C1GALT1: variants seen among roughly 807,000 people sequenced by gnomAD.
C1GALT1 encodes the protein glycoprotein-N-acetylgalactosamine 3-beta-galactosyltransferase 1.
C1GALT1 carries 11 observed loss-of-function variants against 31.0 expected under a neutral mutation model. The ratio of observed to expected loss-of-function variants is 0.36; its 90% CI spans 0.22 to 0.59. The LOEUF (loss-of-function observed/expected upper bound fraction) is 0.59. C1GALT1 is among the 20% of genes least tolerant of loss of function. The probability of loss-of-function intolerance (pLI) is 0.79; values close to 1 mark genes in which losing one functional copy is unlikely to be tolerated. For synonymous variants in C1GALT1, 175 were observed against 143.6 expected (o/e 1.22, Z -1.56); for missense variants, 424 against 425.2 (o/e 1.00, Z 0.03).
chr7:7,191,893 T>C lies in C1GALT1; in HGVS notation c.-18+9073T>C, dbSNP rs1161466837. ...TAATCTCTTATCAGATAATACGATT[T>C]GCCTGTATTTTCACCCATTCTGTGG... On this transcript the variant is annotated intron_variant, in intron 1 of 3. Transcript: ENST00000436587. Among the ~76,000 whole-genome samples, 8 of 152,208 alleles carry C rather than the reference T, an allele frequency of 5.3e-5. No homozygotes were observed. In the East Asian group the frequency reaches 1.2e-3, roughly 22 times the overall value.
intron 1 of C1GALT1, among the ~76,000 whole-genome samples, chr7:7,222,033 C>A (rs1231351355): frequency 1.3e-5 from 2 of 152,172 alleles, no homozygotes; most frequent in Non-Finnish European, 2.9e-5. Flanking sequence ...TGGTGTCTTA[C>A]CCTTGCTTAG....
At position 7,234,310 on chromosome 7, in the gene C1GALT1, C is replaced by T. The variant is rs1318150382; in HGVS notation, c.-10C>T. 6.2e-7 allele frequency: 1 copy of T among 1,611,490 alleles called. No homozygotes were observed. Among genetic ancestry groups the T allele is most frequent in the Non-Finnish European group, 8.5e-7 (1 of 1,178,216 alleles). ...TAATTTTTGTTCTTACAGAAATACA[C>T]TTTCGGGAAATGGCCTCTAAATCCT... is the stretch of plus-strand genomic sequence containing the variant. On this transcript the variant is annotated 5_prime_UTR_variant, in exon 2 of 4. Transcript: ENST00000436587.
chr7:7,237,224 C>T (rs1287194215), intron 2 of C1GALT1, among the ~76,000 whole-genome samples: 1 of 152,090 alleles, frequency 6.6e-6, no homozygotes, highest in Non-Finnish European at 1.5e-5. Flanking sequence ...GGCCTTTCAC[C>T]ACAGATAGCT....
At chr7:7,224,178 T>G (rs1489689229) in intron 1 of C1GALT1, among the ~76,000 whole-genome samples, 2 of 152,160 alleles carry the variant, frequency 1.3e-5, no homozygotes, top group South Asian at 2.1e-4. Context: ...AATACTTCAT[T>G]AAGTATTAGT....
intron 2 of C1GALT1, among the ~76,000 whole-genome samples, chr7:7,162,179 T>C (rs1270731598): frequency 6.6e-6 from 1 of 151,392 alleles, no homozygotes; most frequent in African/African-American, 2.4e-5. Context: ...GTTAGTTACA[T>C]ATGTATACAT....
chr7:7,225,524 G>T (rs565701669), intron 1 of C1GALT1, among the ~76,000 whole-genome samples: 1 of 152,284 alleles, frequency 6.6e-6, no homozygotes, highest in East Asian at 1.9e-4. Context: ...AAACTATAGA[G>T]GGTTTATTGC....
At chr7:7,178,628 A>G (rs1404171019), upstream of C1GALT1, among the ~76,000 whole-genome samples, 4 of 152,206 alleles carry the variant, frequency 2.6e-5, no homozygotes, top group Admixed American at 6.5e-5. Context: ...ACATCTCTCT[A>G]TAAGAGATCA....
At chr7:7,185,837 C>G (rs1420953495) in intron 1 of C1GALT1, among the ~76,000 whole-genome samples, 3 of 152,230 alleles carry the variant, frequency 2.0e-5, no homozygotes, top group African/African-American at 7.2e-5. Flanking sequence ...TTATCTTTTA[C>G]ATCGTTCAGT....
chr7:7,195,717 A>G (rs1781256013), intron 1 of C1GALT1, among the ~76,000 whole-genome samples: 1 of 152,108 alleles, frequency 6.6e-6, no homozygotes, highest in Admixed American at 6.6e-5. Context: ...AGTGCATTGT[A>G]TCTCTATTGA....
At position 7,238,391 on chromosome 7, in the gene C1GALT1, G is replaced by A; in HGVS notation, c.357G>A (p.Leu119=). ...ATWAQRCNKV[L]FMSSEENKDF... is the part of the protein sequence containing the mutation. ...GGGCCCAGCGTTGTAACAAAGTGTT[G>A]TTTATGAGTTCAGAAGAAAATAAAG... Residue 119 remains leucine (L), a synonymous_variant, in exon 3 of 4, where the codon TTG becomes TTA. Transcript: ENST00000436587. This position sits in a 1 kb window ranked among gnomAD's most constrained non-coding sequence, Gnocchi z 5.2. The A allele has an allele frequency of 2.5e-6, 4 of 1,614,074 alleles. No homozygotes were observed. The highest frequency in any genetic ancestry group is 3.4e-6 in the Non-Finnish European group (4 of 1,179,984).
chr7:7,237,690 G>C (rs866564185), intron 2 of C1GALT1, among the ~76,000 whole-genome samples: 1 of 152,062 alleles, frequency 6.6e-6, no homozygotes, highest in African/African-American at 2.4e-5. Flanking sequence ...ACCACCTCAG[G>C]GTACTTGTAG....
intron 2 of C1GALT1, among the ~76,000 whole-genome samples, chr7:7,167,500 C>G (rs1780411030): frequency 6.6e-6 from 1 of 151,946 alleles, no homozygotes; most frequent in South Asian, 2.1e-4. Context: ...TGTTTATTTT[C>G]TAAAGAATAC....
chr7:7,233,042 A>C (rs912500197), intron 1 of C1GALT1, among the ~76,000 whole-genome samples: 2 of 152,212 alleles, frequency 1.3e-5, no homozygotes, highest in African/African-American at 4.8e-5. Flanking sequence ...CTTGAGGAAT[A>C]GGAAACTAGA....
At chr7:7,169,172 T>C (rs1481939993) in intron 2 of C1GALT1, among the ~76,000 whole-genome samples, 1 of 152,244 alleles carries the variant, frequency 6.6e-6, no homozygotes, top group Non-Finnish European at 1.5e-5. Context: ...ATCCATGTAG[T>C]AGCATATATC....
chr7:7,204,396 G>A (rs1781650846), intron 1 of C1GALT1, among the ~76,000 whole-genome samples: 1 of 151,840 alleles, frequency 6.6e-6, no homozygotes, highest in Non-Finnish European at 1.5e-5. Flanking sequence ...TTGTATTTCT[G>A]TGAAACTATT....
chr7:7,243,435 T>A, intron 3 of C1GALT1, 89 bp from the exon 4 acceptor site: 1 of 1,095,684 alleles, frequency 9.1e-7, no homozygotes. Flanking sequence ...TGTATTCTTT[T>A]AAAATTAGCT....
At chr7:7,215,284 C>G (rs1003952936) in intron 1 of C1GALT1, among the ~76,000 whole-genome samples, 4 of 152,148 alleles carry the variant, frequency 2.6e-5, no homozygotes, top group African/African-American at 7.2e-5. Flanking sequence ...ACATGCAAAG[C>G]ACACCAGATT....
chr7:7,174,703 C>G (rs1780486440), intron 2 of C1GALT1, among the ~76,000 whole-genome samples: 1 of 152,050 alleles, frequency 6.6e-6, no homozygotes, highest in Admixed American at 6.5e-5. Flanking sequence ...TTCAAGTTCA[C>G]TGACTCTTCT....
chr7:7,164,027 G>T (rs1273503359), intron 2 of C1GALT1, among the ~76,000 whole-genome samples: 1 of 152,086 alleles, frequency 6.6e-6, no homozygotes, highest in Non-Finnish European at 1.5e-5. Context: ...TAAGCCAAAA[G>T]AACTAAGCTG....
Sources: gnomAD v4.1 joint callset for allele counts (sites outside exome capture counted in the v4.1 genomes callset) on GRCh38, gnomAD v4.1.1 for gene constraint, Gnocchi (gnomAD v3.1) non-coding constraint, MANE v1.5 for transcripts, NCBI Gene and HGNC (gene_info 2026-07-23, HGNC 2026-07-21) for gene names.